TPM3: variants seen among roughly 807,000 people sequenced by gnomAD.
TPM3 encodes the protein tropomyosin alpha-3 chain.
A neutral mutation model predicts 43.1 loss-of-function variants in TPM3; 16 were observed. The observed-to-expected ratio is 0.37, with a 90% CI of 0.25 to 0.56. The LOEUF is 0.56. Among genes scored for constraint, TPM3 ranks in the 20% least tolerant of loss-of-function variants. The pLI, the probability that TPM3 is intolerant of heterozygous loss-of-function variation, is 0.77. For synonymous variants in TPM3, 101 were observed against 116.9 expected (o/e 0.86, Z 0.88); for missense variants, 176 against 337.2 (o/e 0.52, Z 3.74).
chr1:154,158,193 T>C (rs531234664), downstream of TPM3, among the ~76,000 whole-genome samples: 76 of 152,266 alleles, frequency 5.0e-4, no homozygotes, highest in Non-Finnish European at 7.9e-4. Flanking sequence ...GCCAAAGTAA[T>C]AACTGATGGG....
chr1:154,163,884 C>T lies in TPM3; in HGVS notation c.*4053G>A, dbSNP rs1362104305. 1.3e-5 allele frequency among the ~76,000 whole-genome samples: 2 copies of T among 152,096 alleles called. No individual in the cohort carries two copies. Among genetic ancestry groups the T allele is most frequent in the African/African-American group, 2.4e-5 (1 of 41,418 alleles). On this transcript the variant is annotated 3_prime_UTR_variant, in exon 10 of 10. Transcript: ENST00000651641. Reference sequence around the variant, plus strand: ...TCCTGACCTCGTGATCCGCCCACCTCGGCCTCCCAAAGTGCTGGGATTACA... The same window carrying T: ...TCCTGACCTCGTGATCCGCCCACCTTGGCCTCCCAAAGTGCTGGGATTACA...
intron 2 of TPM3, among the ~76,000 whole-genome samples, chr1:154,182,098 G>A (rs1183980938): frequency 1.3e-5 from 2 of 152,174 alleles, no homozygotes; most frequent in Non-Finnish European, 2.9e-5. Flanking sequence ...CTGATTCTCT[G>A]CCATACACTC....
chr1:154,190,888 G>A (rs1226876709), intron 2 of TPM3, among the ~76,000 whole-genome samples: 3 of 152,134 alleles, frequency 2.0e-5, no homozygotes, highest in African/African-American at 7.2e-5. Flanking sequence ...TGAACTTAGA[G>A]TCCCCTCTCT....
Position 154,176,247 on chromosome 1 carries a change from G to A in TPM3, c.245C>T (p.Ala82Val). The A allele has an allele frequency of 6.2e-7, 1 of 1,614,090 alleles. No individual in the cohort carries two copies. Among genetic ancestry groups the A allele is most frequent in the Non-Finnish European group, 8.5e-7 (1 of 1,180,010 alleles). The change falls in exon 3 of 10, where the codon GCT (alanine) becomes GTT (valine). Residue 82 changes from alanine (A) to valine (V), a missense_variant and splice_region_variant. Ala to Val is a moderately conservative substitution (Grantham distance 64, BLOSUM62 0). Around this residue, in one of 4 missense-constraint regions of TPM3, gnomAD observed 82 missense variants for 148.8 expected, o/e 0.55. Coordinates refer to ENST00000651641, the MANE Select transcript of TPM3 (RefSeq NM_152263.4). ...GTTCAAGGAGGCCACCTCAGCCTCA[G>A]CCTGCATTTGAAGGAAAGAATGGAC... Reference protein sequence around the residue: ...LELAEKKAADAEAEVASLNRR... With the variant: ...LELAEKKAADVEAEVASLNRR...
chr1:154,176,903 C>T (rs769370829), intron 2 of TPM3, among the ~76,000 whole-genome samples: 54 of 149,320 alleles, frequency 3.6e-4, no homozygotes, highest in Non-Finnish European at 2.2e-4. Flanking sequence ...CCCTTGAACC[C>T]GGGAGGCAGA....
rs1045025868 is a variant in TPM3 at position 154,164,046 on chromosome 1, G to A, written c.*3891C>T. ...TCTTATGTCAACCTCTCTGCCTCAC[G>A]CCCTAGAATTTTGTTTTCACCCAGA... On this transcript the variant is annotated 3_prime_UTR_variant, in exon 10 of 10. Transcript: ENST00000651641. 1.3e-5 allele frequency among the ~76,000 whole-genome samples: 2 copies of A among 151,806 alleles called. No individual in the cohort carries two copies. The highest frequency in any genetic ancestry group is 2.4e-5 in the African/African-American group (1 of 41,290).
chr1:154,189,623 G>A lies in TPM3; in HGVS notation c.243+1563C>T, dbSNP rs141887592. 6.7e-3 allele frequency among the ~76,000 whole-genome samples: 1,011 copies of A among 151,964 alleles called. 17 individuals are homozygous for A. Among genetic ancestry groups the A allele is most frequent in the African/African-American group, 0.023 (942 of 41,450 alleles). Reference sequence around the variant, plus strand: ...AGCCTGACCAATATGATGAAACCCCGTCTCTAGTAAAAATATGAAAATTAG... The same window carrying A: ...AGCCTGACCAATATGATGAAACCCCATCTCTAGTAAAAATATGAAAATTAG... On this transcript the variant is annotated intron_variant, in intron 2 of 9. Coordinates refer to ENST00000651641, the MANE Select transcript of TPM3 (RefSeq NM_152263.4).
chr1:154,172,080 C>G (rs779222360), intron 5 of TPM3: 18 of 1,614,070 alleles, frequency 1.1e-5, no homozygotes, highest in Non-Finnish European at 1.7e-6. Context: ...TCAGTCTAAT[C>G]TGCTCATCCA....
chr1:154,191,843 CCCTT>C, intron 1 of TPM3, 55 bp downstream of exon 1: 1 of 1,596,482 alleles, frequency 6.3e-7, no homozygotes, highest in Middle Eastern at 1.7e-4. Context: ...CATGAAAACT[CCCTT>C]CCATTTCACA....
chr1:154,173,280 T>C (rs925877117), intron 3 of TPM3, 79 bp from the exon 4 acceptor site: 2 of 1,230,198 alleles, frequency 1.6e-6, no homozygotes, highest in African/African-American at 1.5e-5. Flanking sequence ...CTCAGAACTG[T>C]ACTTTTAAAA....
chr1:154,170,770 C>T, intron 6 of TPM3, 59 bp from the exon 7 acceptor site: 2 of 1,122,214 alleles, frequency 1.8e-6, no homozygotes, highest in South Asian at 2.5e-5. Context: ...GGCAATACCC[C>T]CCTCCCTACA....
At chr1:154,190,983 T>A (rs1475399829) in intron 2 of TPM3, among the ~76,000 whole-genome samples, 1 of 152,178 alleles carries the variant, frequency 6.6e-6, no homozygotes, top group Admixed American at 6.5e-5. Context: ...AAAAAAAAAC[T>A]TTTAACATGT....
downstream of TPM3, chr1:154,158,939 A>G (rs1447176727): frequency 1.3e-6 from 1 of 779,582 alleles, no homozygotes; most frequent in Admixed American, 1.7e-5. Context: ...CAGTAAGCTC[A>G]GTTTAATGGG....
intron 2 of TPM3, among the ~76,000 whole-genome samples, chr1:154,179,713 A>G (rs541500517): frequency 1.2e-4 from 19 of 152,210 alleles, no homozygotes; most frequent in African/African-American, 4.6e-4. Flanking sequence ...CCTCCCAAGT[A>G]GCTGGGATTA....
intron 2 of TPM3, among the ~76,000 whole-genome samples, chr1:154,189,042 G>A (rs1663546793): frequency 6.8e-6 from 1 of 147,858 alleles, no homozygotes; most frequent in Non-Finnish European, 1.5e-5. Flanking sequence ...TGAGGCAGGA[G>A]AATCACTTGA....
intron 1 of TPM3, 58 bp from the exon 2 acceptor site, chr1:154,191,369 G>T: frequency 1.9e-6 from 3 of 1,610,302 alleles, no homozygotes; most frequent in Non-Finnish European, 2.5e-6. Context: ...TGCAGGGTTG[G>T]ACCCTGGGCT....
intron 3 of TPM3, 85 bp from the exon 4 acceptor site, chr1:154,173,286 T>A: frequency 1.8e-6 from 2 of 1,112,942 alleles, no homozygotes; most frequent in Non-Finnish European, 2.7e-6. Context: ...ACTGTACTTT[T>A]AAAAGCCCAC....
chr1:154,167,559 ACT>A lies in TPM3; in HGVS notation c.*376_*377del. 2 of 1,154,542 alleles carry A rather than the reference ACT, an allele frequency of 1.7e-6. No homozygotes were observed. The highest frequency in any genetic ancestry group is 1.1e-6 in the Non-Finnish European group (1 of 931,634). The allele number at this position is 1,154,542 out of a possible 1,614,324, so 71.5% of individuals were successfully genotyped here. ...CTGAGTAACCTGTACTAAATCCATC[ACT>A]CTGGTAGAATCAGATCAGCTGAGTT... is the stretch of plus-strand genomic sequence containing the variant. On this transcript the variant is annotated 3_prime_UTR_variant, in exon 10 of 10. Transcript: ENST00000651641.
chr1:154,159,991 CTTTTTTTTTTT>C (rs60242183), downstream of TPM3, among the ~76,000 whole-genome samples: 3 of 129,866 alleles, frequency 2.3e-5, no homozygotes, highest in Non-Finnish European at 4.9e-5. Flanking sequence ...AAGTTATTTC[CTTTTTTTTTTT>C]TTTTTTTTTT....
Sources: allele counts gnomAD v4.1 joint callset (sites outside exome capture counted in the v4.1 genomes callset), GRCh38; gene constraint gnomAD v4.1.1; regional missense constraint gnomAD v4.1.1; transcripts MANE v1.5; gene names NCBI Gene and HGNC (gene_info 2026-07-23, HGNC 2026-07-21).